OR10T2: variants seen among roughly 807,000 people sequenced by gnomAD.
OR10T2 encodes olfactory receptor 10T2.
For missense variants in OR10T2, 416 were observed against 372.3 expected (o/e 1.12, Z -0.97); for synonymous variants, 162 against 144.1 (o/e 1.12, Z -0.89).
Position 158,399,099 on chromosome 1 carries a change from C to A in OR10T2, c.368G>T (p.Arg123Leu), listed in dbSNP as rs772691278. The stretch of plus-strand genomic sequence containing the variant: ...CAGAGGGTGACAAATTGCTACATAG[C>A]GATCATATCCCATCACAGCAATGAG... ...CLLIAVMGYDRYVAICHPLRY... is the reference protein window; with the variant it reads ...CLLIAVMGYDLYVAICHPLRY... Residue 123 changes from arginine to leucine, a missense_variant, in exon 1 of 1, where the codon CGC becomes CTC. By Grantham distance (102) the Arg-to-Leu change is moderately radical (BLOSUM62 -2). Transcript: ENST00000334438. The A allele has an allele frequency of 3.7e-6, 6 of 1,613,946 alleles. No homozygotes were observed. The highest frequency in any genetic ancestry group is 1.1e-5 in the South Asian group (1 of 91,070).
chr1:158,399,305 C>A lies in OR10T2; in HGVS notation c.162G>T (p.Trp54Cys). ...VTIMAVIRFS[W>C]TLHTPMYGFL... ...AGCCATACATGGGAGTGTGGAGAGT[C>A]CAGCTGAAGCGAATAACGGCCATGA... The change falls in exon 1 of 1, where the codon TGG becomes TGT. Residue 54 changes from tryptophan (W) to cysteine (C), a missense_variant. Physicochemically the swap from Trp to Cys is radical, Grantham distance 215 (BLOSUM62 -2). Coordinates refer to ENST00000334438, the MANE Select transcript of OR10T2 (RefSeq NM_001004475.1). The A allele has an allele frequency of 6.2e-7, 1 of 1,613,844 alleles. No individual in the cohort carries two copies. Among genetic ancestry groups the A allele is most frequent in the Non-Finnish European group, 8.5e-7 (1 of 1,179,912 alleles).
At position 158,399,109 on chromosome 1, in the gene OR10T2, C is replaced by T; in HGVS notation, c.358G>A (p.Gly120Arg). 6.2e-7 allele frequency: 1 copy of T among 1,614,062 alleles called. No homozygotes were observed. The highest frequency in any genetic ancestry group is 8.5e-7 in the Non-Finnish European group (1 of 1,180,000). ...CTNCLLIAVM[G>R]YDRYVAICHP... ...CAAATTGCTACATAGCGATCATATC[C>T]CATCACAGCAATGAGGAGGCAGTTG... Residue 120 changes from glycine (G) to arginine (R), a missense_variant, in exon 1 of 1, where the codon GGA (glycine) becomes AGA (arginine). Physicochemically the swap from Gly to Arg is moderately radical, Grantham distance 125. Transcript: ENST00000334438.
chr1:158,398,530 T>A lies in OR10T2; in HGVS notation c.937A>T (p.Met313Leu). The A allele has an allele frequency of 6.3e-7, 1 of 1,582,996 alleles. No homozygotes were observed. Residue 313 changes from methionine (M) to leucine (L), a missense_variant, in exon 1 of 1, where the codon ATG becomes TTG. Physicochemically the swap from Met to Leu is conservative, Grantham distance 15. Coordinates refer to ENST00000334438, the MANE Select transcript of OR10T2 (RefSeq NM_001004475.1). Reference sequence around the variant, plus strand: ...TTTATTATTATTTTTTGTTAGCTCATCTTGGTTGCCACAGGCATTCCAAGA... The same window carrying A: ...TTTATTATTATTTTTTGTTAGCTCAACTTGGTTGCCACAGGCATTCCAAGA... ...RVLGMPVATK[M>L]S
chr1:158,399,413 G>A lies in OR10T2; in HGVS notation c.54C>T (p.Phe18=), dbSNP rs1001075691. ...GCAGCTGGAGCTCCCCCAGGCTGGAGAAACCCACCAGGATGAACTGTGTAA... is the reference window on the plus strand; with the variant it reads ...GCAGCTGGAGCTCCCCCAGGCTGGAAAAACCCACCAGGATGAACTGTGTAA... ...TVVTQFILVG[F]SSLGELQLLL... is the part of the protein sequence containing the mutation. Residue 18 remains phenylalanine, a synonymous_variant, in exon 1 of 1, where the codon TTC becomes TTT. Coordinates refer to ENST00000334438, the MANE Select transcript of OR10T2 (RefSeq NM_001004475.1). 1 of 1,614,084 alleles carries A rather than the reference G, an allele frequency of 6.2e-7. No homozygotes were observed. Among genetic ancestry groups the A allele is most frequent in the Non-Finnish European group, 8.5e-7 (1 of 1,180,000 alleles).
chr1:158,398,571 GT>G lies in OR10T2; in HGVS notation c.895del (p.Thr299LeufsTer3). On this transcript the variant is annotated frameshift_variant, in exon 1 of 1. Coordinates refer to ENST00000334438, the MANE Select transcript of OR10T2 (RefSeq NM_001004475.1). LOFTEE classifies it low-confidence loss of function (END_TRUNC). Reference protein sequence around the residue: ...VYSLRNKEVKTALKRVLGMPV... With the variant: ...VYSLRNKEVKXALKRVLGMPV... ...CATTCCAAGAACTCTTTTCAATGCA[GT>G]TTTTACCTCTTTGTTCCTCAGACTG... The G allele has an allele frequency of 6.2e-7, 1 of 1,612,854 alleles. No individual in the cohort carries two copies. The highest frequency in any genetic ancestry group is 8.5e-7 in the Non-Finnish European group (1 of 1,179,536).
In OR10T2 at chr1:158,398,982, T is replaced by C. The variant is rs768462947; in HGVS notation, c.485A>G (p.Asn162Ser). The C allele has an allele frequency of 4.3e-6, 7 of 1,613,856 alleles. No homozygotes were observed. The highest frequency in any genetic ancestry group is 3.3e-5 in the Admixed American group (2 of 59,980). ...ACAAAAACGCATGTCACAAATGAGGTTGGTGGCCACCAAAGCAATAAAGAA... is the reference window on the plus strand; with the variant it reads ...ACAAAAACGCATGTCACAAATGAGGCTGGTGGCCACCAAAGCAATAAAGAA... Reference protein sequence around the residue: ...TGFFIALVATNLICDMRFCGP... With the variant: ...TGFFIALVATSLICDMRFCGP... The change falls in exon 1 of 1, where the codon AAC becomes AGC. Residue 162 changes from asparagine (N) to serine (S), a missense_variant. Asn to Ser is a conservative substitution (Grantham distance 46). Coordinates refer to ENST00000334438, the MANE Select transcript of OR10T2 (RefSeq NM_001004475.1).
rs766114928 is a variant in OR10T2 at position 158,398,688 on chromosome 1, AGATAGAT to A, written c.772_778del (p.Ile258CysfsTer17). 1.8e-5 allele frequency: 29 copies of A among 1,614,064 alleles called. No individual in the cohort carries two copies. The African/African-American group carries it at 3.1e-4, about 17-fold the overall frequency. ...TGAGGCAGACTTGGACTTGGGCCGCAGATAGATGATAGAGGCACAGCCATAGTGGACA... is the reference window on the plus strand; with the variant it reads ...TGAGGCAGACTTGGACTTGGGCCGCAGATAGAGGCACAGCCATAGTGGACA... On this transcript the variant is annotated frameshift_variant, in exon 1 of 1. Transcript: ENST00000334438. LOFTEE classifies it low-confidence loss of function (END_TRUNC).
In OR10T2 at chr1:158,398,650, A is replaced by T. The variant is rs770450824; in HGVS notation, c.817T>A (p.Leu273Met). 4 of 1,613,890 alleles carry T rather than the reference A, an allele frequency of 2.5e-6. No individual in the cohort carries two copies. The highest frequency in any genetic ancestry group is 3.4e-6 in the Non-Finnish European group (4 of 1,179,978). Residue 273 changes from leucine to methionine, a missense_variant, in exon 1 of 1, where the codon TTG (leucine) becomes ATG (methionine). Transcript: ENST00000334438. Reference protein sequence around the residue: ...KSKSASDKDQLVAVTYTVVTP... With the variant: ...KSKSASDKDQMVAVTYTVVTP... ...ACCACTGTGTAGGTCACTGCCACCA[A>T]CTGATCCTTGTCTGAGGCAGACTTG...
In OR10T2 at chr1:158,398,846, T is replaced by C; in HGVS notation, c.621A>G (p.Val207=). The C allele has an allele frequency of 6.2e-7, 1 of 1,614,174 alleles. No homozygotes were observed. Among genetic ancestry groups the C allele is most frequent in the Non-Finnish European group, 8.5e-7 (1 of 1,180,020 alleles). Reference sequence around the variant, plus strand: ...GAATTAACAGAAAAGGCACCATAATTACCAGGATGCTGAGGCTAAATAAAG... The same window carrying C: ...GAATTAACAGAAAAGGCACCATAATCACCAGGATGCTGAGGCTAAATAAAG... The part of the protein sequence containing the change: ...ELALFSLSIL[V]IMVPFLLILI... The change falls in exon 1 of 1, where the codon GTA becomes GTG. Residue 207 remains valine, a synonymous_variant. Coordinates refer to ENST00000334438, the MANE Select transcript of OR10T2 (RefSeq NM_001004475.1).
chr1:158,398,578 C>A lies in OR10T2; in HGVS notation c.889G>T (p.Val297Leu). 6.2e-7 allele frequency: 1 copy of A among 1,613,080 alleles called. No individual in the cohort carries two copies. Among genetic ancestry groups the A allele is most frequent in the Non-Finnish European group, 8.5e-7 (1 of 1,179,620 alleles). The change falls in exon 1 of 1, where the codon GTA (valine) becomes TTA (leucine). Residue 297 changes from valine (V) to leucine (L), a missense_variant. Coordinates refer to ENST00000334438, the MANE Select transcript of OR10T2 (RefSeq NM_001004475.1). ...PLVYSLRNKE[V>L]KTALKRVLGM... is the part of the protein sequence containing the mutation. ...AGAACTCTTTTCAATGCAGTTTTTA[C>A]CTCTTTGTTCCTCAGACTGTAGACA...
Position 158,399,167 on chromosome 1 carries a change from G to C in OR10T2, c.300C>G (p.Thr100=). The part of the protein sequence containing the change: ...TKTISFMACA[T]QLFFFLGFAC... ...CAAAGCCAAGGAAAAAGAACAGCTG[G>C]GTGGCACAGGCCATGAAGGAGATGG... Residue 100 remains threonine (T), a synonymous_variant, in exon 1 of 1, where the codon ACC becomes ACG. Coordinates refer to ENST00000334438, the MANE Select transcript of OR10T2 (RefSeq NM_001004475.1). The C allele has an allele frequency of 6.2e-7, 1 of 1,614,166 alleles. No individual in the cohort carries two copies. Among genetic ancestry groups the C allele is most frequent in the Middle Eastern group, 1.6e-4 (1 of 6,062 alleles).
In OR10T2 at chr1:158,399,174, C is replaced by T. The variant is rs61818749; in HGVS notation, c.293G>A (p.Cys98Tyr). Residue 98 changes from cysteine (C) to tyrosine (Y), a missense_variant, in exon 1 of 1, where the codon TGT becomes TAT. Physicochemically the swap from Cys to Tyr is radical, Grantham distance 194. Coordinates refer to ENST00000334438, the MANE Select transcript of OR10T2 (RefSeq NM_001004475.1). The stretch of plus-strand genomic sequence containing the variant: ...AAGGAAAAAGAACAGCTGGGTGGCA[C>T]AGGCCATGAAGGAGATGGTCTTGGT... ...SDTKTISFMA[C>Y]ATQLFFFLGF... The T allele has an allele frequency of 0.1, 162,476 of 1,613,750 alleles. 9,214 individuals are homozygous for T. Among genetic ancestry groups the T allele is most frequent in the South Asian group, 0.18 (16,763 of 91,056 alleles).
At position 158,399,268 on chromosome 1, in the gene OR10T2, G is replaced by A; in HGVS notation, c.199C>T (p.Leu67Phe). 3 of 1,614,078 alleles carry A rather than the reference G, an allele frequency of 1.9e-6. No homozygotes were observed. The highest frequency in any genetic ancestry group is 2.2e-5 in the East Asian group (1 of 44,870). ...HTPMYGFLFILSFSESCYTFV... is the reference protein window; with the variant it reads ...HTPMYGFLFIFSFSESCYTFV... ...GTGTAGCAGGACTCAGAAAATGAAA[G>A]GATGAATAGAAAGCCATACATGGGA... Residue 67 changes from leucine (L) to phenylalanine (F), a missense_variant, in exon 1 of 1, where the codon CTT (leucine) becomes TTT (phenylalanine). Physicochemically the swap from Leu to Phe is conservative, Grantham distance 22 (BLOSUM62 0). Transcript: ENST00000334438.
Position 158,399,077 on chromosome 1 carries a change from AG to A in OR10T2, c.389del (p.Pro130LeufsTer2). On this transcript the variant is annotated frameshift_variant, in exon 1 of 1. Transcript: ENST00000334438. LOFTEE classifies it low-confidence loss of function (END_TRUNC). ...TGTTTATGATGAGTGTGTACCTCAG[AG>A]GGTGACAAATTGCTACATAGCGATC... ...GYDRYVAICH[P>X]LRYTLIINKR... 1 of 1,614,142 alleles carries A rather than the reference AG, an allele frequency of 6.2e-7. No individual in the cohort carries two copies. The highest frequency in any genetic ancestry group is 8.5e-7 in the Non-Finnish European group (1 of 1,180,006).
chr1:158,398,581 C>T lies in OR10T2; in HGVS notation c.886G>A (p.Glu296Lys). Reference sequence around the variant, plus strand: ...ACTCTTTTCAATGCAGTTTTTACCTCTTTGTTCCTCAGACTGTAGACAAGA... The same window carrying T: ...ACTCTTTTCAATGCAGTTTTTACCTTTTTGTTCCTCAGACTGTAGACAAGA... ...NPLVYSLRNKEVKTALKRVLG... is the reference protein window; with the variant it reads ...NPLVYSLRNKKVKTALKRVLG... Residue 296 changes from glutamate (E) to lysine (K), a missense_variant, in exon 1 of 1, where the codon GAG becomes AAG. Physicochemically the swap from Glu to Lys is moderately conservative, Grantham distance 56. Transcript: ENST00000334438. 1 of 1,613,522 alleles carries T rather than the reference C, an allele frequency of 6.2e-7. No homozygotes were observed.
rs539828963 is a variant in OR10T2, at chr1:158,399,100, G to A, written c.367C>T (p.Arg123Cys). 5.6e-6 allele frequency: 9 copies of A among 1,614,058 alleles called. No individual in the cohort carries two copies. The highest frequency in any genetic ancestry group is 2.2e-5 in the East Asian group (1 of 44,880). Reference protein sequence around the residue: ...CLLIAVMGYDRYVAICHPLRY... With the variant: ...CLLIAVMGYDCYVAICHPLRY... ...AGAGGGTGACAAATTGCTACATAGC[G>A]ATCATATCCCATCACAGCAATGAGG... Residue 123 changes from arginine (R) to cysteine (C), a missense_variant, in exon 1 of 1, where the codon CGC becomes TGC. Physicochemically the swap from Arg to Cys is radical, Grantham distance 180. Transcript: ENST00000334438.
In OR10T2 at chr1:158,398,745, C is replaced by G; in HGVS notation, c.722G>C (p.Cys241Ser). The G allele has an allele frequency of 1.9e-6, 3 of 1,614,000 alleles. No individual in the cohort carries two copies. The highest frequency in any genetic ancestry group is 2.5e-6 in the Non-Finnish European group (3 of 1,179,920). Residue 241 changes from cysteine (C) to serine (S), a missense_variant, in exon 1 of 1, where the codon TGT (cysteine) becomes TCT (serine). By Grantham distance (112) the Cys-to-Ser change is moderately radical. Coordinates refer to ENST00000334438, the MANE Select transcript of OR10T2 (RefSeq NM_001004475.1). ...SAEGKKAFVT[C>S]ASHLTVVFVH... is the part of the protein sequence containing the mutation. The stretch of plus-strand genomic sequence containing the variant: ...AAAGACCACAGTGAGATGTGAGGCA[C>G]AGGTGACAAAGGCCTTCTTGCCCTC...
rs755163089 is a variant in OR10T2, at chr1:158,399,374, G to T, written c.93C>A (p.Ile31=). 6.2e-6 allele frequency: 10 copies of T among 1,613,974 alleles called. No individual in the cohort carries two copies. In the African/African-American group the frequency reaches 1.3e-4, roughly 22 times the overall value. Residue 31 remains isoleucine (I), a synonymous_variant, in exon 1 of 1, where the codon ATC becomes ATA. Coordinates refer to ENST00000334438, the MANE Select transcript of OR10T2 (RefSeq NM_001004475.1). ...GGATTGTCAAGTATAGGAGAAGAAA[G>T]ATGACAAAAAGCAGCAGCTGGAGCT... The part of the protein sequence containing the change: ...LGELQLLLFV[I]FLLLYLTILV...
Position 158,398,531 on chromosome 1 carries a change from C to G in OR10T2, c.936G>C (p.Lys312Asn), listed in dbSNP as rs6692949. 1,510 of 1,583,508 alleles carry G rather than the reference C, an allele frequency of 9.5e-4. 15 individuals carry two copies. In the African/African-American group the frequency reaches 0.018, roughly 19 times the overall value. Residue 312 changes from lysine (K) to asparagine (N), a missense_variant, in exon 1 of 1, where the codon AAG (lysine) becomes AAC (asparagine). By Grantham distance (94) the Lys-to-Asn change is moderately conservative. Coordinates refer to ENST00000334438, the MANE Select transcript of OR10T2 (RefSeq NM_001004475.1). ...TTATTATTATTTTTTGTTAGCTCAT[C>G]TTGGTTGCCACAGGCATTCCAAGAA... ...KRVLGMPVAT[K>N]MS
Sources: allele counts gnomAD v4.1 joint callset, GRCh38; gene constraint gnomAD v4.1.1; transcripts MANE v1.5; gene names NCBI Gene and HGNC (gene_info 2026-07-23, HGNC 2026-07-21).